LANCL3: variants seen among roughly 807,000 people sequenced by gnomAD.
The protein encoded by LANCL3 is LanC like family member 3.
Under a neutral mutation model 26.5 loss-of-function variants are expected in LANCL3, and 19 were observed. That is an observed-to-expected ratio of 0.72 (90% CI 0.50 to 1.05). The LOEUF (loss-of-function observed/expected upper bound fraction) is 1.05, where lower values mean the gene tolerates loss of function less well. Ranked by LOEUF, LANCL3 falls within the 50% of genes least tolerant of loss-of-function variation. The pLI is 0.00. For missense variants in LANCL3, 318 were observed against 362.7 expected (o/e 0.88, Z 1.00); for synonymous variants, 160 against 166.6 (o/e 0.96, Z 0.30).
chrX:37,592,909 T>C (rs1697069717), intron 1 of LANCL3, among the ~76,000 whole-genome samples: 1 of 111,559 alleles, frequency 9.0e-6, no homozygotes, highest in Non-Finnish European at 1.9e-5. Context: ...TCTCTAAAAA[T>C]TTCCAAAAAG....
At chrX:37,611,330 C>G (rs1244408847) in intron 1 of LANCL3, among the ~76,000 whole-genome samples, 1 of 111,584 alleles carries the variant, frequency 9.0e-6, no homozygotes, top group Non-Finnish European at 1.9e-5. Flanking sequence ...AATGGGTGTC[C>G]TTATACCTTG....
intron 1 of LANCL3, among the ~76,000 whole-genome samples, chrX:37,638,810 AC>A (rs1222679853): frequency 1.8e-5 from 2 of 109,667 alleles, no homozygotes; most frequent in African/African-American, 6.7e-5. Context: ...ACACACCCAA[AC>A]CCCCAAACAG....
At position 37,675,902 on chromosome X, in the gene LANCL3, A is replaced by G. The variant is rs1926792209; in HGVS notation, c.*89A>G. On this transcript the variant is annotated 3_prime_UTR_variant, in exon 5 of 5. Transcript: ENST00000378619. ...ATAAGCCACATTCAATGGTATCGCAACCATGAGCCTTAACATTGCCATCAG... is the reference window on the plus strand; with the variant it reads ...ATAAGCCACATTCAATGGTATCGCAGCCATGAGCCTTAACATTGCCATCAG... The G allele has an allele frequency of 7.0e-6, 5 of 716,518 alleles. No individual in the cohort carries two copies. The South Asian group carries it at 2.8e-4, about 39-fold the overall frequency. The allele number at this position is 716,518 out of a possible 1,213,427, so 59.0% of individuals were successfully genotyped here.
intron 1 of LANCL3, among the ~76,000 whole-genome samples, chrX:37,584,899 T>C (rs1924015824): frequency 1.8e-5 from 2 of 112,161 alleles, no homozygotes; most frequent in South Asian, 7.5e-4. Flanking sequence ...AGGGTGTCAA[T>C]TTTAGATCTT....
At chrX:37,646,206 C>T (rs1925980068) in intron 1 of LANCL3, among the ~76,000 whole-genome samples, 1 of 113,019 alleles carries the variant, frequency 8.8e-6, no homozygotes, top group African/African-American at 3.2e-5. Flanking sequence ...ACATAATACT[C>T]ATGAATTATT....
At chrX:37,632,409 T>C (rs1925549175) in intron 1 of LANCL3, among the ~76,000 whole-genome samples, 2 of 111,595 alleles carry the variant, frequency 1.8e-5, no homozygotes, top group South Asian at 7.5e-4. Context: ...CTTTATCCAA[T>C]TTGCCAGTCT....
At chrX:37,576,630 G>A (rs1201261493) in intron 1 of LANCL3, among the ~76,000 whole-genome samples, 22 of 111,566 alleles carry the variant, frequency 2.0e-4, no homozygotes, top group African/African-American at 7.2e-4. Context: ...CATGGTGTGA[G>A]GCAACTTACT....
intron 1 of LANCL3, among the ~76,000 whole-genome samples, chrX:37,649,224 A>ATAGG (rs1241915423): frequency 8.9e-5 from 10 of 112,475 alleles, no homozygotes; most frequent in Non-Finnish European, 1.7e-4. Flanking sequence ...TCAATGATAG[A>ATAGG]CTGGATAAAG....
chrX:37,599,222 G>A (rs1224891010), intron 1 of LANCL3, among the ~76,000 whole-genome samples: 2 of 111,757 alleles, frequency 1.8e-5, no homozygotes, highest in Admixed American at 9.5e-5. Context: ...AATTTCTCTG[G>A]TGATGTATCA....
Position 37,655,605 on chromosome X carries a change from T to C in LANCL3, c.574-83T>C, listed in dbSNP as rs1926263439. Reference sequence around the variant, plus strand: ...GTACAGGATTCTGTGGATATGATGCTAGACTTCTTAAGCAAGAAAATTCAG... The same window carrying C: ...GTACAGGATTCTGTGGATATGATGCCAGACTTCTTAAGCAAGAAAATTCAG... On this transcript the variant is annotated intron_variant, in intron 1 of 4. Coordinates refer to ENST00000378619, the MANE Select transcript of LANCL3 (RefSeq NM_001170331.2). The C allele has an allele frequency of 4.7e-6, 4 of 843,341 alleles. No individual in the cohort carries two copies. The South Asian group carries it at 1.2e-4, about 25-fold the overall frequency. The allele number at this position is 843,341 out of a possible 1,213,427, so 69.5% of individuals were successfully genotyped here.
intron 1 of LANCL3, among the ~76,000 whole-genome samples, chrX:37,575,049 C>A (rs1205704992): frequency 1.8e-5 from 2 of 109,464 alleles, no homozygotes; most frequent in African/African-American, 6.7e-5. Flanking sequence ...CCTCAGCCTC[C>A]CAAGTAGGTG....
In LANCL3 at chrX:37,591,827, G is replaced by A. The variant is rs3106233; in HGVS notation, c.573+19384G>A. Among the ~76,000 whole-genome samples, 726 of 107,855 alleles carry A rather than the reference G, an allele frequency of 6.7e-3. 1 individual carries two copies. The highest frequency in any genetic ancestry group is 0.023 in the South Asian group (56 of 2,432). The allele number at this position is 107,855 out of a possible 115,157, so 93.7% of individuals were successfully genotyped here. A position where few individuals can be genotyped will look rare whatever the true frequency, so the allele number is the denominator to read the frequency against. ...AAGTAGGGCTCTAAAGAAGCCTGCA[G>A]GTGAGAGTTGTTAGAAGCAAAGCAT... On this transcript the variant is annotated intron_variant, in intron 1 of 4. Coordinates refer to ENST00000378619, the MANE Select transcript of LANCL3 (RefSeq NM_001170331.2).
chrX:37,589,632 C>T (rs781881310), intron 1 of LANCL3, among the ~76,000 whole-genome samples: 21 of 111,963 alleles, frequency 1.9e-4, no homozygotes, highest in African/African-American at 6.9e-4. Flanking sequence ...CTCCTTCAAC[C>T]TACTACTTGG....
intron 1 of LANCL3, among the ~76,000 whole-genome samples, chrX:37,591,114 C>G (rs1924259584): frequency 8.9e-6 from 1 of 112,039 alleles, no homozygotes; most frequent in Non-Finnish European, 1.9e-5. Flanking sequence ...CTTCATTTTA[C>G]AGGTGAGACA....
chrX:37,633,223 G>T (rs1925589295), intron 1 of LANCL3, among the ~76,000 whole-genome samples: 2 of 107,966 alleles, frequency 1.9e-5, no homozygotes, highest in Non-Finnish European at 3.8e-5. Context: ...TTCCATCACT[G>T]ATACCCTTTC....
Position 37,655,713 on chromosome X carries a change from C to T in LANCL3, c.599C>T (p.Ser200Leu), listed in dbSNP as rs1459924631. ...GTGCTGACTCCAGCACAGATCAAGT[C>T]AATTTGTCAGGCAATTCTGGACTCT... ...QEVLTPAQIKSICQAILDSGK... is the reference protein window; with the variant it reads ...QEVLTPAQIKLICQAILDSGK... The change falls in exon 2 of 5, where the codon TCA becomes TTA. Residue 200 changes from serine (S) to leucine (L), a missense_variant. Coordinates refer to ENST00000378619, the MANE Select transcript of LANCL3 (RefSeq NM_001170331.2). 2.2e-5 allele frequency: 26 copies of T among 1,205,410 alleles called. No individual in the cohort carries two copies. Among genetic ancestry groups the T allele is most frequent in the Non-Finnish European group, 2.7e-5 (24 of 891,882 alleles).
intron 1 of LANCL3, among the ~76,000 whole-genome samples, chrX:37,612,065 C>T (rs782063357): frequency 2.7e-5 from 3 of 110,538 alleles, no homozygotes; most frequent in South Asian, 3.9e-4. Flanking sequence ...CTCAGCCTCC[C>T]GAGTAGCTGG....
chrX:37,642,498 C>T (rs960648505), intron 1 of LANCL3, among the ~76,000 whole-genome samples: 1 of 111,872 alleles, frequency 8.9e-6, no homozygotes, highest in Non-Finnish European at 1.9e-5. Flanking sequence ...TTCATGTGCT[C>T]ATAGCTGCAG....
chrX:37,663,119 G>C (rs896508064), intron 3 of LANCL3, among the ~76,000 whole-genome samples: 31 of 112,257 alleles, frequency 2.8e-4, no homozygotes, highest in African/African-American at 1.0e-3. Flanking sequence ...GGCACTTTAT[G>C]GTCAACAGAC....
Sources: gnomAD v4.1 joint callset for allele counts (sites outside exome capture counted in the v4.1 genomes callset) on GRCh38, gnomAD v4.1.1 for gene constraint, MANE v1.5 for transcripts, NCBI Gene and HGNC (gene_info 2026-07-23, HGNC 2026-07-21) for gene names.